The following ATP6V0D2 variants were observed in gnomAD, a reference collection of about 807,000 sequenced individuals.
ATP6V0D2 encodes V-type proton ATPase subunit d 2.
ATP6V0D2 carries 40 observed loss-of-function variants against 40.0 expected under a neutral mutation model. The observed-to-expected ratio is 1.00, with a 90% confidence interval of 0.78 to 1.30. The LOEUF is 1.30. Among genes scored for constraint, ATP6V0D2 ranks in the 50% most tolerant of loss-of-function variants. ATP6V0D2 has a pLI of 0.00. For synonymous variants in ATP6V0D2, 179 were observed against 156.3 expected, an observed-to-expected ratio of 1.15 and a Z score of -1.08; for missense variants, 470 against 423.1, an observed-to-expected ratio of 1.11 and a Z score of -0.97.
chr8:86,102,851 G>T (rs879739564), intron 1 of ATP6V0D2, among the ~76,000 whole-genome samples: 29 of 152,156 alleles, frequency 1.9e-4, no homozygotes, highest in Admixed American at 1.0e-3. Flanking sequence ...CTTTAAAGTT[G>T]TATCTATAAA....
intron 5 of ATP6V0D2, among the ~76,000 whole-genome samples, chr8:86,147,530 G>A (rs1011289225): frequency 5.9e-5 from 9 of 152,204 alleles, no homozygotes; most frequent in East Asian, 3.9e-4. Context: ...AATCAAATGC[G>A]TGTCAAACTC....
chr8:86,135,012 T>C (rs1818879056), intron 2 of ATP6V0D2, among the ~76,000 whole-genome samples: 1 of 152,166 alleles, frequency 6.6e-6, no homozygotes, highest in South Asian at 2.1e-4. Flanking sequence ...TGATTCGCAT[T>C]TTCTAGACAC....
intron 2 of ATP6V0D2, among the ~76,000 whole-genome samples, chr8:86,120,075 G>T (rs534980522): frequency 6.6e-6 from 1 of 152,268 alleles, no homozygotes; most frequent in South Asian, 2.1e-4. Flanking sequence ...TGTGAGGCCA[G>T]CTCAGTGTTT....
chr8:86,116,050 T>A (rs1350615026), intron 2 of ATP6V0D2, among the ~76,000 whole-genome samples: 1 of 152,178 alleles, frequency 6.6e-6, no homozygotes, highest in Non-Finnish European at 1.5e-5. Flanking sequence ...TGAGGATCAA[T>A]TTTACTTAAT....
chr8:86,125,034 G>C (rs1245741773), intron 2 of ATP6V0D2, among the ~76,000 whole-genome samples: 1 of 152,200 alleles, frequency 6.6e-6, no homozygotes, highest in East Asian at 1.9e-4. Flanking sequence ...CTAAGCGTTT[G>C]TAGGTGGACA....
At chr8:86,147,897 A>G (rs547546890) in intron 5 of ATP6V0D2, among the ~76,000 whole-genome samples, 21 of 152,144 alleles carry the variant, frequency 1.4e-4, no homozygotes, top group Non-Finnish European at 2.8e-4. Context: ...CAGATAACCT[A>G]CTGTATCAGC....
chr8:86,134,389 GA>G (rs1818868665), intron 2 of ATP6V0D2, among the ~76,000 whole-genome samples: 1 of 152,098 alleles, frequency 6.6e-6, no homozygotes, highest in South Asian at 2.1e-4. Context: ...AAGGACAACA[GA>G]AAGGAGAAAA....
In ATP6V0D2 at chr8:86,125,736, G is replaced by A. The variant is rs546773135; in HGVS notation, c.302+11856G>A. ...CCTTGTGAAAAATGTTTTTTTATATGTGCATGTGTTTATATTTAAACACAA... is the reference window on the plus strand; with the variant it reads ...CCTTGTGAAAAATGTTTTTTTATATATGCATGTGTTTATATTTAAACACAA... On this transcript the variant is annotated intron_variant, in intron 2 of 7. Coordinates refer to ENST00000285393, the MANE Select transcript of ATP6V0D2 (RefSeq NM_152565.1). 8.3e-4 allele frequency among the ~76,000 whole-genome samples: 126 copies of A among 152,010 alleles called. 1 individual carries two copies. In the Middle Eastern group the frequency reaches 0.014, roughly 16 times the overall value.
intron 5 of ATP6V0D2, among the ~76,000 whole-genome samples, chr8:86,146,408 A>G (rs1244088456): frequency 6.6e-6 from 1 of 152,176 alleles, no homozygotes; most frequent in East Asian, 1.9e-4. Context: ...CATTAAAAAA[A>G]AATCCAGCTA....
chr8:86,147,304 G>A (rs764332558), intron 5 of ATP6V0D2, among the ~76,000 whole-genome samples: 1 of 152,148 alleles, frequency 6.6e-6, no homozygotes, highest in Non-Finnish European at 1.5e-5. Context: ...TTTATGATGT[G>A]CAACCGATAG....
chr8:86,145,742 T>G (rs570402148), intron 5 of ATP6V0D2, among the ~76,000 whole-genome samples: 11 of 152,330 alleles, frequency 7.2e-5, no homozygotes, highest in African/African-American at 2.6e-4. Flanking sequence ...GAATTTCTAC[T>G]CAGCATAATT....
intron 1 of ATP6V0D2, among the ~76,000 whole-genome samples, chr8:86,101,462 GAAAAAAAAAAA>G (rs59915079): frequency 1.3e-5 from 1 of 78,196 alleles, no homozygotes; most frequent in South Asian, 5.4e-4. Flanking sequence ...CCTGTCTCAG[GAAAAAAAAAAA>G]AAAAAAAAAA....
chr8:86,126,746 G>A (rs536829967), intron 2 of ATP6V0D2, among the ~76,000 whole-genome samples: 5 of 152,290 alleles, frequency 3.3e-5, no homozygotes, highest in South Asian at 4.1e-4. Context: ...CTAGAATATG[G>A]CCTTAAAGGA....
At chr8:86,142,765 A>G (rs1163711102) in intron 4 of ATP6V0D2, 112 bp from the exon 5 acceptor site, 3 of 617,076 alleles carry the variant, frequency 4.9e-6, no homozygotes, top group Non-Finnish European at 8.3e-6. Context: ...CCTATGGGAG[A>G]TGTAATTCAG....
intron 3 of ATP6V0D2, among the ~76,000 whole-genome samples, chr8:86,140,440 G>T (rs546732858): frequency 1.3e-5 from 2 of 152,252 alleles, no homozygotes; most frequent in South Asian, 2.1e-4. Flanking sequence ...ACCAGGCTCT[G>T]CCCGGTCCCA....
At chr8:86,142,624 G>C (rs1171619819) in intron 4 of ATP6V0D2, among the ~76,000 whole-genome samples, 1 of 151,992 alleles carries the variant, frequency 6.6e-6, no homozygotes, top group African/African-American at 2.4e-5. Flanking sequence ...CCAAAACCAT[G>C]CAAAAAAAGT....
At chr8:86,104,869 A>ACACACACACACACACC in intron 1 of ATP6V0D2, among the ~76,000 whole-genome samples, 1 of 151,758 alleles carries the variant, frequency 6.6e-6, no homozygotes, top group Non-Finnish European at 1.5e-5. Context: ...ACACACACAC[A>ACACACACACACACACC]CACACACACA....
rs772983464 is a variant in ATP6V0D2, at chr8:86,139,559, C to T, written c.405C>T (p.Phe135=). 6.2e-7 allele frequency: 1 copy of T among 1,613,818 alleles called. No homozygotes were observed. The highest frequency in any genetic ancestry group is 1.1e-5 in the South Asian group (1 of 91,048). The part of the protein sequence containing the change: ...ILGKCHPLGR[F]TEMEAVNIAE... The stretch of plus-strand genomic sequence containing the variant: ...GGAAGTGCCACCCCTTGGGCCGTTT[C>T]ACAGAAATGGAAGCTGTCAACATTG... Residue 135 remains phenylalanine, a synonymous_variant, in exon 3 of 8, where the codon TTC becomes TTT. Coordinates refer to ENST00000285393, the MANE Select transcript of ATP6V0D2 (RefSeq NM_152565.1).
In ATP6V0D2 at chr8:86,098,987, A is replaced by G; in HGVS notation, c.9A>G (p.Glu3=). The G allele has an allele frequency of 6.2e-7, 1 of 1,613,760 alleles. No homozygotes were observed. Among genetic ancestry groups the G allele is most frequent in the Non-Finnish European group, 8.5e-7 (1 of 1,179,910 alleles). Residue 3 remains glutamate, a synonymous_variant, in exon 1 of 8, where the codon GAA becomes GAG. Coordinates refer to ENST00000285393, the MANE Select transcript of ATP6V0D2 (RefSeq NM_152565.1). ...CTTCAATCTCTTCCCCCATGCTCGA[A>G]GGTGCGGAGCTGTACTTCAACGTGG... is the stretch of plus-strand genomic sequence containing the variant. ML[E]GAELYFNVDH...
Sources: gnomAD v4.1 joint callset for allele counts (sites outside exome capture counted in the v4.1 genomes callset) on GRCh38, gnomAD v4.1.1 for gene constraint, MANE v1.5 for transcripts, NCBI Gene and HGNC (gene_info 2026-07-23, HGNC 2026-07-21) for gene names.